Variants in NARS2 observed in about 807,000 individuals in gnomAD.
NARS2 encodes asparaginyl-tRNA synthetase.
In NARS2, 60 loss-of-function variants were observed where a neutral mutation model predicts 62.9. That is an observed-to-expected ratio of 0.95 (90% CI 0.77 to 1.18). The LOEUF (loss-of-function observed/expected upper bound fraction) is 1.18. Among genes scored for constraint, NARS2 ranks in the 50% most tolerant of loss-of-function variants. The probability of loss-of-function intolerance (pLI) is 0.00; values close to 1 mark genes in which losing one functional copy is unlikely to be tolerated. For missense variants in NARS2, 619 were observed against 576.4 expected, an observed-to-expected ratio of 1.07 and a Z score of -0.76; for synonymous variants, 196 against 200.0, an observed-to-expected ratio of 0.98 and a Z score of 0.17.
intron 10 of NARS2, among the ~76,000 whole-genome samples, chr11:78,467,866 G>A (rs993822013): frequency 1.3e-5 from 2 of 151,744 alleles, no homozygotes; most frequent in Non-Finnish European, 2.9e-5. Context: ...GTTGTTCTTC[G>A]AGACAAGGTC....
rs184842017 is a variant in NARS2 at position 78,440,983 on chromosome 11, T to C, written c.1289+108A>G. 1,074 of 978,248 alleles carry C rather than the reference T, an allele frequency of 1.1e-3. 3 individuals are homozygous for C. Among genetic ancestry groups the C allele is most frequent in the Admixed American group, 1.9e-3 (87 of 46,270 alleles). The allele number at this position is 978,248 out of a possible 1,614,324, so 60.6% of individuals were successfully genotyped here. A position where few individuals can be genotyped will look rare whatever the true frequency, so the allele number is the denominator to read the frequency against. On this transcript the variant is annotated intron_variant, in intron 13 of 13. Transcript: ENST00000281038. ...CCTGACCTAAGAACAGTTAAGTTCA[T>C]TGTTTTTAACACTCTTTCATGGGGT...
intron 7 of NARS2, among the ~76,000 whole-genome samples, chr11:78,490,510 G>A (rs1859773766): frequency 6.6e-6 from 1 of 152,104 alleles, no homozygotes; most frequent in Admixed American, 6.5e-5. Flanking sequence ...ACAAAGTCAA[G>A]AAATGGAAGA....
intron 6 of NARS2, among the ~76,000 whole-genome samples, chr11:78,514,939 C>T (rs1423410835): frequency 2.6e-5 from 4 of 152,132 alleles, no homozygotes; most frequent in African/African-American, 7.2e-5. Context: ...TATTTCTATT[C>T]ACTTCTTCCT....
At chr11:78,530,504 C>A (rs918020758) in intron 5 of NARS2, among the ~76,000 whole-genome samples, 9 of 152,172 alleles carry the variant, frequency 5.9e-5, no homozygotes, top group African/African-American at 2.2e-4. Flanking sequence ...GACAGAGTCT[C>A]ACACTGTCGC....
At chr11:78,516,825 G>A (rs1267577865) in intron 6 of NARS2, among the ~76,000 whole-genome samples, 4 of 152,082 alleles carry the variant, frequency 2.6e-5, no homozygotes, top group Non-Finnish European at 5.9e-5. Flanking sequence ...TGTATTAATA[G>A]TTACAAAATT....
At chr11:78,564,098 C>T (rs1266887955) in intron 4 of NARS2, among the ~76,000 whole-genome samples, 2 of 151,684 alleles carry the variant, frequency 1.3e-5, no homozygotes, top group Admixed American at 6.6e-5. Context: ...CAGGGTTTCA[C>T]CGTGTTGCCA....
chr11:78,464,147 G>T (rs1274730756), intron 11 of NARS2, among the ~76,000 whole-genome samples: 1 of 152,052 alleles, frequency 6.6e-6, no homozygotes, highest in Non-Finnish European at 1.5e-5. Context: ...GACCTTCGCG[G>T]TGAGTGTTAA....
At chr11:78,520,651 T>C (rs1213787808) in intron 6 of NARS2, among the ~76,000 whole-genome samples, 1 of 152,178 alleles carries the variant, frequency 6.6e-6, no homozygotes, top group Non-Finnish European at 1.5e-5. Flanking sequence ...AAGCTATATA[T>C]GGGGTTTTGG....
At chr11:78,557,130 T>C (rs956180400) in intron 5 of NARS2, among the ~76,000 whole-genome samples, 1 of 152,252 alleles carries the variant, frequency 6.6e-6, no homozygotes, top group African/African-American at 2.4e-5. Context: ...AGTAAAATGA[T>C]AGAGCATGCA....
chr11:78,542,257 T>C (rs10751294), intron 5 of NARS2, among the ~76,000 whole-genome samples: 1 of 151,954 alleles, frequency 6.6e-6, no homozygotes, highest in Non-Finnish European at 1.5e-5. Flanking sequence ...TGAGAAAGAA[T>C]GAATCAAGAA....
At chr11:78,543,567 T>C (rs12791909) in intron 5 of NARS2, among the ~76,000 whole-genome samples, 9,121 of 152,176 alleles carry the variant, frequency 0.06, 423 homozygotes, top group Non-Finnish European at 0.084. Flanking sequence ...GAAATAACCA[T>C]TTGTAGGAAA....
At chr11:78,546,799 G>A (rs959403335) in intron 5 of NARS2, among the ~76,000 whole-genome samples, 3 of 152,112 alleles carry the variant, frequency 2.0e-5, no homozygotes, top group East Asian at 3.9e-4. Flanking sequence ...AATCAAAGAC[G>A]GAACTATAAA....
At chr11:78,571,007 A>C (rs1049816542) in intron 2 of NARS2, among the ~76,000 whole-genome samples, 3 of 152,192 alleles carry the variant, frequency 2.0e-5, no homozygotes, top group Non-Finnish European at 2.9e-5. Flanking sequence ...ACAAGAGGAG[A>C]AGAGGCTGTA....
chr11:78,450,666 CTTTTTTTTT>C (rs781420225), intron 11 of NARS2, among the ~76,000 whole-genome samples: 16 of 101,566 alleles, frequency 1.6e-4, no homozygotes, highest in African/African-American at 5.8e-4. Context: ...AAAGCCTTGT[CTTTTTTTTT>C]TTTTTTTTTT....
intron 6 of NARS2, among the ~76,000 whole-genome samples, chr11:78,525,549 A>C (rs1418485214): frequency 2.0e-5 from 3 of 152,130 alleles, no homozygotes; most frequent in Non-Finnish European, 1.5e-5. Context: ...TGAAATATAC[A>C]AGTCTATTAA....
chr11:78,444,936 T>C (rs993754732), intron 11 of NARS2, among the ~76,000 whole-genome samples: 4 of 152,172 alleles, frequency 2.6e-5, no homozygotes, highest in Non-Finnish European at 5.9e-5. Context: ...AGCAAGCAGT[T>C]CAAGGAACCT....
At chr11:78,461,381 A>T (rs73504945) in intron 11 of NARS2, among the ~76,000 whole-genome samples, 5,238 of 152,104 alleles carry the variant, frequency 0.034, 279 homozygotes, top group African/African-American at 0.12. Flanking sequence ...GGATAATGTG[A>T]TGTCACAGAA....
chr11:78,436,486 C>T lies in NARS2; in HGVS notation c.*184G>A, dbSNP rs939983144. ...CTCTTCTTGCGGGAGCTCATCCTTA[C>T]GTGAAATACCCTCAACTTTCTAAGA... is the stretch of plus-strand genomic sequence containing the variant. On this transcript the variant is annotated 3_prime_UTR_variant, in exon 14 of 14. Transcript: ENST00000281038. The T allele has an allele frequency of 2.5e-5, 18 of 712,180 alleles. No individual in the cohort carries two copies. Among genetic ancestry groups the T allele is most frequent in the African/African-American group, 9.0e-5 (5 of 55,804 alleles). 44.1% of individuals were successfully genotyped at this position (712,180 alleles called of 1,614,324 possible).
At chr11:78,568,374 G>A (rs2135539403) in intron 3 of NARS2, among the ~76,000 whole-genome samples, 3 of 152,278 alleles carry the variant, frequency 2.0e-5, no homozygotes, top group Middle Eastern at 6.8e-3. Flanking sequence ...CATGGTGGCT[G>A]ACTGGGCATG....
Sources: gnomAD v4.1 joint callset for allele counts (sites outside exome capture counted in the v4.1 genomes callset) on GRCh38, gnomAD v4.1.1 for gene constraint, MANE v1.5 for transcripts, NCBI Gene and HGNC (gene_info 2026-07-23, HGNC 2026-07-21) for gene names.